TIAM1: variants seen among roughly 807,000 people sequenced by gnomAD.
TIAM1 encodes the protein rho guanine nucleotide exchange factor TIAM1.
A neutral mutation model predicts 163.5 loss-of-function variants in TIAM1; 65 were observed. The observed-to-expected ratio is 0.40, with a 90% confidence interval of 0.33 to 0.49. The LOEUF (loss-of-function observed/expected upper bound fraction) is 0.49, where lower values mean the gene tolerates loss of function less well. Among genes scored for constraint, TIAM1 ranks in the 20% least tolerant of loss-of-function variants. TIAM1 has a pLI of 0.77. For synonymous variants in TIAM1, 833 were observed against 810.1 expected (o/e 1.03, Z -0.48); for missense variants, 1,789 against 2,044.7 (o/e 0.87, Z 2.41).
At chr21:31,528,436 T>C (rs923564369) in intron 1 of TIAM1, among the ~76,000 whole-genome samples, 2 of 151,934 alleles carry the variant, frequency 1.3e-5, no homozygotes, top group African/African-American at 4.8e-5. Context: ...GGAAGCTCCC[T>C]GAGCACAAGA....
At chr21:31,410,334 G>A (rs1471408130) in intron 2 of TIAM1, among the ~76,000 whole-genome samples, 1 of 151,904 alleles carries the variant, frequency 6.6e-6, no homozygotes, top group Admixed American at 6.6e-5. Context: ...ATATGTAGGA[G>A]ACTGCGAGTG....
At chr21:31,294,792 A>G (rs1256887974) in intron 2 of TIAM1, among the ~76,000 whole-genome samples, 1 of 152,238 alleles carries the variant, frequency 6.6e-6, no homozygotes, top group Non-Finnish European at 1.5e-5. Context: ...AAATAACATC[A>G]GCCTTCTGGT....
chr21:31,256,588 T>TACACACACACACAC (rs5030999), intron 4 of TIAM1, among the ~76,000 whole-genome samples: 3,631 of 128,148 alleles, frequency 0.028, 139 homozygotes, highest in Non-Finnish European at 0.033. Context: ...TACCCCTCAC[T>TACACACACACACAC]ACACACACAC....
chr21:31,176,565 C>G (rs2084773990), intron 15 of TIAM1, among the ~76,000 whole-genome samples: 1 of 152,120 alleles, frequency 6.6e-6, no homozygotes, highest in Non-Finnish European at 1.5e-5. Flanking sequence ...GCTTTCTAAG[C>G]CAACGTGGCA....
chr21:31,231,581 C>T (rs900038893), intron 6 of TIAM1, among the ~76,000 whole-genome samples: 1 of 152,150 alleles, frequency 6.6e-6, no homozygotes, highest in Non-Finnish European at 1.5e-5. Flanking sequence ...GTTAAACACC[C>T]TTTGAATGGT....
chr21:31,527,574 C>T (rs901990355), intron 1 of TIAM1, among the ~76,000 whole-genome samples: 1 of 152,042 alleles, frequency 6.6e-6, no homozygotes, highest in African/African-American at 2.4e-5. Context: ...TGATGGATTA[C>T]TAAATTCACA....
chr21:31,472,287 G>A (rs1281350379), intron 1 of TIAM1, among the ~76,000 whole-genome samples: 1 of 152,160 alleles, frequency 6.6e-6, no homozygotes, highest in Non-Finnish European at 1.5e-5. Context: ...AGCACTTTGG[G>A]AGGCTGAGGC....
At chr21:31,537,916 T>C (rs1020294908) in intron 1 of TIAM1, among the ~76,000 whole-genome samples, 1 of 152,272 alleles carries the variant, frequency 6.6e-6, no homozygotes, top group Middle Eastern at 3.4e-3. Context: ...CAAAGAAAAC[T>C]TAAAAACAAT....
chr21:31,371,761 T>C (rs2076599962), intron 2 of TIAM1, among the ~76,000 whole-genome samples: 1 of 152,138 alleles, frequency 6.6e-6, no homozygotes, highest in Non-Finnish European at 1.5e-5. Context: ...AGAAGACAAA[T>C]AAGAGGAAGG....
chr21:31,170,356 C>T (rs886287570), intron 15 of TIAM1, among the ~76,000 whole-genome samples: 1 of 152,198 alleles, frequency 6.6e-6, no homozygotes, highest in Non-Finnish European at 1.5e-5. Flanking sequence ...GGTGAATATA[C>T]ATTTTCCATA....
chr21:31,307,422 A>G (rs895255742), intron 2 of TIAM1, among the ~76,000 whole-genome samples: 2 of 152,148 alleles, frequency 1.3e-5, no homozygotes, highest in African/African-American at 4.8e-5. Flanking sequence ...GTCCCAGGAC[A>G]CCATCCAGAA....
chr21:31,453,165 C>T (rs2044937571), intron 2 of TIAM1: 1 of 288,892 alleles, frequency 3.5e-6, no homozygotes, highest in African/African-American at 2.3e-5. Flanking sequence ...GTGAAAAACA[C>T]AGTGGTGTTA....
At chr21:31,199,998 C>G (rs1051813362) in intron 12 of TIAM1, among the ~76,000 whole-genome samples, 1 of 151,916 alleles carries the variant, frequency 6.6e-6, no homozygotes, top group Non-Finnish European at 1.5e-5. Flanking sequence ...TCTCTACTTG[C>G]CCCAACTTCT....
At chr21:31,548,282 C>T (rs2048565754) in intron 1 of TIAM1, among the ~76,000 whole-genome samples, 1 of 151,626 alleles carries the variant, frequency 6.6e-6, no homozygotes, top group Non-Finnish European at 1.5e-5. Context: ...GCTGAGATTA[C>T]AGGTGTGTGC....
At position 31,210,206 on chromosome 21, in the gene TIAM1, C is replaced by A; in HGVS notation, c.2227G>T (p.Glu743Ter). 1 of 1,614,048 alleles carries A rather than the reference C, an allele frequency of 6.2e-7. No individual in the cohort carries two copies. Among genetic ancestry groups the A allele is most frequent in the Non-Finnish European group, 8.5e-7 (1 of 1,180,020 alleles). The change falls in exon 11 of 28, where the codon GAA (glutamate) becomes TAA (stop). Residue 743 changes from glutamate to a stop codon, truncating the protein, a stop_gained. Coordinates refer to ENST00000541036, the MANE Select transcript of TIAM1 (RefSeq NM_001353694.2). LOFTEE classifies it high-confidence loss of function. ...TGGTGAACGTTAGGTAAGACCACTT[C>A]TTTCTCCCTCTATAACAAGAAATAA... is the stretch of plus-strand genomic sequence containing the variant. Reference protein sequence around the residue: ...DIVPDGKREKEVVLPNVHQHN... With the variant: ...DIVPDGKREK
chr21:31,163,885 T>C (rs1193943619), intron 16 of TIAM1, among the ~76,000 whole-genome samples: 2 of 151,958 alleles, frequency 1.3e-5, no homozygotes, highest in African/African-American at 2.4e-5. Context: ...AAAAGAGAGA[T>C]CGTAGAGAAA....
rs1253599072 is a variant in TIAM1 at position 31,370,543 on chromosome 21, T to C, written c.-368-31121A>G. Among the ~76,000 whole-genome samples the C allele has an allele frequency of 3.3e-5, 5 of 152,298 alleles. No homozygotes were observed. The East Asian group carries it at 7.7e-4, about 24-fold the overall frequency. On this transcript the variant is annotated intron_variant, in intron 2 of 28. Transcript: ENST00000286827. ...CCAAAGTAGATTGGCCACAGGTTGA[T>C]ATTCCCTGAAGGTGGGTGATGAGTA... is the stretch of plus-strand genomic sequence containing the variant.
At chr21:31,252,285 T>G in intron 4 of TIAM1, 96 bp from the exon 5 acceptor site, 1 of 1,350,112 alleles carries the variant, frequency 7.4e-7, no homozygotes, top group African/African-American at 1.5e-5. Context: ...GCCAGGGCTC[T>G]GTAGCAGCGG....
chr21:31,257,264 C>T (rs1401524154), intron 4 of TIAM1, among the ~76,000 whole-genome samples: 1 of 152,012 alleles, frequency 6.6e-6, no homozygotes, highest in African/African-American at 2.4e-5. Flanking sequence ...TTTATGTTTC[C>T]AACAACCCAT....
Sources: allele counts gnomAD v4.1 joint callset (sites outside exome capture counted in the v4.1 genomes callset), GRCh38; gene constraint gnomAD v4.1.1; transcripts MANE v1.5; gene names NCBI Gene and HGNC (gene_info 2026-07-23, HGNC 2026-07-21).